The following MMD2 variants were observed in gnomAD, a reference collection of about 807,000 sequenced individuals.
MMD2 encodes monocyte to macrophage differentiation associated 2, also known as monocyte to macrophage differentiation factor 2.
Under a neutral mutation model 33.5 loss-of-function variants are expected in MMD2, and 30 were observed. The ratio of observed to expected loss-of-function variants is 0.90; its 90% CI spans 0.67 to 1.22. The LOEUF (loss-of-function observed/expected upper bound fraction) is 1.22, where lower values mean the gene tolerates loss of function less well. Ranked by LOEUF, MMD2 falls within the 50% of genes most tolerant of loss-of-function variation. The pLI is 0.00. For synonymous variants in MMD2, 129 were observed against 123.0 expected, an observed-to-expected ratio of 1.05 and a Z score of -0.32; for missense variants, 364 against 325.4, an observed-to-expected ratio of 1.12 and a Z score of -0.91.
chr7:4,952,184 G>A (rs970786351), intron 1 of MMD2, among the ~76,000 whole-genome samples: 5 of 152,202 alleles, frequency 3.3e-5, no homozygotes, highest in African/African-American at 7.2e-5. Flanking sequence ...TGCTCCCAGC[G>A]GCTTGCAGTC....
chr7:4,892,443 C>A, the MMD2 span, among the ~76,000 whole-genome samples: 1 of 151,752 alleles, frequency 6.6e-6, no homozygotes, highest in East Asian at 2.0e-4. Context: ...CAAAAATTAG[C>A]TGGGCATGGT....
chr7:4,894,547 T>C, the MMD2 span, among the ~76,000 whole-genome samples: 15 of 152,112 alleles, frequency 9.9e-5, no homozygotes, highest in African/African-American at 3.1e-4. The surrounding 1 kb of genome is among the most constrained non-coding windows in gnomAD (Gnocchi z 4.3). Context: ...TCCCCCATCC[T>C]AATCACCCCA....
the MMD2 span, among the ~76,000 whole-genome samples, chr7:4,895,675 A>G: frequency 6.6e-6 from 1 of 152,010 alleles, no homozygotes; most frequent in Non-Finnish European, 1.5e-5. Context: ...TAGCTGGGAT[A>G]ATAGGCGCGC....
At chr7:4,951,444 C>A (rs550666438) in intron 1 of MMD2, among the ~76,000 whole-genome samples, 1 of 152,082 alleles carries the variant, frequency 6.6e-6, no homozygotes, top group African/African-American at 2.4e-5. Context: ...GCACTTCACC[C>A]CCCAATGGCC....
At chr7:4,916,118 C>G in intron 3 of MMD2, 39 bp from the exon 4 acceptor site, 2 of 1,591,716 alleles carry the variant, frequency 1.3e-6, no homozygotes, top group Non-Finnish European at 1.7e-6. Context: ...AGCCCCTGCA[C>G]AGCAGGGAAG....
In MMD2 at chr7:4,907,403, G is replaced by C. The variant is rs1784890549; in HGVS notation, c.734C>G (p.Ser245Cys). 6.2e-7 allele frequency: 1 copy of C among 1,613,752 alleles called. No homozygotes were observed. Residue 245 changes from serine to cysteine, a missense_variant, in exon 7 of 7, where the codon TCC (serine) becomes TGC (cysteine). Coordinates refer to ENST00000401401, the MANE Select transcript of MMD2 (RefSeq NM_198403.4). ...YLPSTLQTKV[S>C]K ...TCTCAAGTCTGGGTCACCTCATTTG[G>C]ACACCTTGGTCTGCAGGGTGCTGGG... is the stretch of plus-strand genomic sequence containing the variant.
intron 6 of MMD2, among the ~76,000 whole-genome samples, chr7:4,908,124 T>C (rs1438097826): frequency 6.6e-6 from 1 of 151,674 alleles, no homozygotes; most frequent in Non-Finnish European, 1.5e-5. Flanking sequence ...ATAATATTTT[T>C]ATAACTTATC....
chr7:4,907,459 G>C lies in MMD2; in HGVS notation c.678C>G (p.His226Gln). The C allele has an allele frequency of 6.2e-7, 1 of 1,614,016 alleles. No individual in the cohort carries two copies. The highest frequency in any genetic ancestry group is 1.1e-5 in the South Asian group (1 of 91,080). The change falls in exon 7 of 7, where the codon CAC becomes CAG. Residue 226 changes from histidine (H) to glutamine (Q), a missense_variant. Physicochemically the swap from His to Gln is conservative, Grantham distance 24. Transcript: ENST00000401401. The stretch of plus-strand genomic sequence containing the variant: ...AGAGGTACCTCCAGATGGCATAGTA[G>C]TGGGTACCAGCACCAAATGCTACAA... Reference protein sequence around the residue: ...HLFVAFGAGTHYYAIWRYLYL... With the variant: ...HLFVAFGAGTQYYAIWRYLYL...
the MMD2 span, among the ~76,000 whole-genome samples, chr7:4,899,393 C>CTT: frequency 1.8e-3 from 266 of 145,298 alleles, 2 homozygotes; most frequent in African/African-American, 6.4e-3. Context: ...ATGTATTTTT[C>CTT]TTTTTTTTTT....
chr7:4,915,975 G>A (rs1785130655), intron 4 of MMD2, 30 bp downstream of exon 4: 1 of 1,607,736 alleles, frequency 6.2e-7, no homozygotes, highest in Admixed American at 1.7e-5. Context: ...AGGCCGCCAA[G>A]GGTTTGCTGG....
chr7:4,902,951 G>T (rs1033116992), downstream of MMD2, among the ~76,000 whole-genome samples: 8 of 152,036 alleles, frequency 5.3e-5, no homozygotes, highest in African/African-American at 1.9e-4. Flanking sequence ...ATACGGAAAA[G>T]AGAGTTTGGG....
rs189311268 is a variant in MMD2 at position 4,935,491 on chromosome 7, G to A, written c.48-9959C>T. On this transcript the variant is annotated intron_variant, in intron 1 of 6. Transcript: ENST00000401401. ...TTTTAGCATTTAAAAAATGGGCAGA[G>A]ACAGTGAGACCTTATTTCCACAAAA... Among the ~76,000 whole-genome samples the A allele has an allele frequency of 2.5e-4, 38 of 151,802 alleles. No homozygotes were observed. The East Asian group carries it at 5.0e-3, about 20-fold the overall frequency.
rs1410970508 is a variant in MMD2 at position 4,946,710 on chromosome 7, G to T, written c.47+12261C>A. On this transcript the variant is annotated intron_variant, in intron 1 of 6. Coordinates refer to ENST00000401401, the MANE Select transcript of MMD2 (RefSeq NM_198403.4). This position sits in a 1 kb window ranked among gnomAD's most constrained non-coding sequence, Gnocchi z 5.0. ...CCCAGTAAGATGAAGTACACCATAT[G>T]GCCTATAATCCTCCTGGCCTTTCTT... Among the ~76,000 whole-genome samples, 1 of 152,076 alleles carries T rather than the reference G, an allele frequency of 6.6e-6. No individual in the cohort carries two copies. The highest frequency in any genetic ancestry group is 2.4e-5 in the African/African-American group (1 of 41,416).
At position 4,910,020 on chromosome 7, in the gene MMD2, G is replaced by A. The variant is rs760874825; in HGVS notation, c.468-70C>T. 3.3e-5 allele frequency: 54 copies of A among 1,613,740 alleles called. No homozygotes were observed. Among genetic ancestry groups the A allele is most frequent in the Non-Finnish European group, 4.4e-5 (52 of 1,179,902 alleles). On this transcript the variant is annotated intron_variant, in intron 5 of 6. Coordinates refer to ENST00000401401, the MANE Select transcript of MMD2 (RefSeq NM_198403.4). ...ACGAAGAAACTGCACACAGCTCCCT[G>A]TTCTTGGGGAAGAGGGAACACTCTG...
the MMD2 span, among the ~76,000 whole-genome samples, chr7:4,893,904 C>T: frequency 3.1e-4 from 47 of 152,206 alleles, 1 homozygote; most frequent in South Asian, 3.1e-3. Flanking sequence ...GCATTGAGGA[C>T]GACCAGAGGT....
chr7:4,945,182 C>T (rs865913028), intron 1 of MMD2, among the ~76,000 whole-genome samples: 2 of 123,382 alleles, frequency 1.6e-5, no homozygotes, highest in Admixed American at 8.7e-5. Context: ...CCTCCTCTTC[C>T]TCTTTCTTCT....
rs541187709 is a variant in MMD2, at chr7:4,907,689, A to G, written c.538-90T>C. ...CCAGTCCCCACCACCCAAAACCAAA[A>G]GACATGCAGATGGCAAACCAGCCCA... is the stretch of plus-strand genomic sequence containing the variant. On this transcript the variant is annotated intron_variant, in intron 6 of 6. Coordinates refer to ENST00000401401, the MANE Select transcript of MMD2 (RefSeq NM_198403.4). 7 of 1,343,830 alleles carry G rather than the reference A, an allele frequency of 5.2e-6. No homozygotes were observed. The East Asian group carries it at 1.2e-4, about 22-fold the overall frequency. 83.2% of individuals were successfully genotyped at this position (1,343,830 alleles called of 1,614,324 possible). A position where few individuals can be genotyped will look rare whatever the true frequency, so the allele number is the denominator to read the frequency against.
chr7:4,955,400 C>T (rs144126794), intron 1 of MMD2, among the ~76,000 whole-genome samples: 105 of 152,238 alleles, frequency 6.9e-4, no homozygotes, highest in African/African-American at 2.3e-3. Flanking sequence ...CCAAGAAGGA[C>T]AGCATTTTTT....
chr7:4,923,472 C>T (rs1785338188), intron 2 of MMD2, among the ~76,000 whole-genome samples: 1 of 152,140 alleles, frequency 6.6e-6, no homozygotes, highest in South Asian at 2.1e-4. Flanking sequence ...CTACATTGTG[C>T]CAACATGGTG....
Sources: gnomAD v4.1 joint callset for allele counts (sites outside exome capture counted in the v4.1 genomes callset) on GRCh38, gnomAD v4.1.1 for gene constraint, Gnocchi (gnomAD v3.1) non-coding constraint, MANE v1.5 for transcripts, NCBI Gene and HGNC (gene_info 2026-07-23, HGNC 2026-07-21) for gene names.